Variants in GTF2IRD1 observed in about 807,000 individuals in gnomAD.
GTF2IRD1 encodes general transcription factor II-I repeat domain-containing protein 1.
A neutral mutation model predicts 113.2 loss-of-function variants in GTF2IRD1; 26 were observed. The observed-to-expected ratio is 0.23, with a 90% CI of 0.17 to 0.32. GTF2IRD1 has a LOEUF of 0.32. Ranked by LOEUF, GTF2IRD1 falls within the 10% of genes least tolerant of loss-of-function variation. GTF2IRD1 has a pLI of 1.00. For missense variants in GTF2IRD1, 864 were observed against 1,280.8 expected, an observed-to-expected ratio of 0.67 and a Z score of 4.97; for synonymous variants, 484 against 529.1, an observed-to-expected ratio of 0.91 and a Z score of 1.17.
At position 74,539,815 on chromosome 7, in the gene GTF2IRD1, G is replaced by A. The variant is rs1423814788; in HGVS notation, c.1529-64G>A. On this transcript the variant is annotated intron_variant, in intron 13 of 26. Coordinates refer to ENST00000424337, the MANE Select transcript of GTF2IRD1 (RefSeq NM_005685.4). ...GGGGAGACTGGGCTGGGTGGGCCCT[G>A]AGGGACTGTGACAGGAGTATGACAG... 2.6e-6 allele frequency: 3 copies of A among 1,150,724 alleles called. No homozygotes were observed. In the African/African-American group the frequency reaches 4.5e-5, roughly 17 times the overall value. 71.3% of individuals were successfully genotyped at this position (1,150,724 alleles called of 1,614,324 possible).
intron 8 of GTF2IRD1, 77 bp downstream of exon 8, chr7:74,524,231 T>C: frequency 1.3e-6 from 1 of 781,870 alleles, no homozygotes; most frequent in Non-Finnish European, 2.0e-6. Context: ...TCACTCGTGT[T>C]CCCCAACACG....
rs1798819423 is a variant in GTF2IRD1, at chr7:74,544,636, C to T, written c.1619-119C>T. 9.4e-6 allele frequency: 8 copies of T among 852,678 alleles called. No individual in the cohort carries two copies. The Admixed American group carries it at 1.6e-4, about 17-fold the overall frequency. The allele number at this position is 852,678 out of a possible 1,614,324, so 52.8% of individuals were successfully genotyped here. Reference sequence around the variant, plus strand: ...TCCCTGATCCCATTGGAGTGGGTGCCATGCTTCAGAGTTGGGGCCCCCTGG... The same window carrying T: ...TCCCTGATCCCATTGGAGTGGGTGCTATGCTTCAGAGTTGGGGCCCCCTGG... On this transcript the variant is annotated intron_variant, in intron 14 of 26. Transcript: ENST00000424337.
intron 1 of GTF2IRD1, among the ~76,000 whole-genome samples, chr7:74,477,451 T>C (rs1476901532): frequency 1.4e-5 from 2 of 146,634 alleles, no homozygotes; most frequent in Non-Finnish European, 3.0e-5. Flanking sequence ...GGGGTGACTA[T>C]AATGAATGCT....
At chr7:74,494,549 G>T (rs934752357) in intron 1 of GTF2IRD1, among the ~76,000 whole-genome samples, 6 of 152,138 alleles carry the variant, frequency 3.9e-5, no homozygotes, top group Admixed American at 1.3e-4. Context: ...GGTTCAAAGT[G>T]GGTCTTTATT....
At chr7:74,514,442 A>G (rs1230359233) in intron 3 of GTF2IRD1, among the ~76,000 whole-genome samples, 1 of 152,164 alleles carries the variant, frequency 6.6e-6, no homozygotes. Context: ...CCTGCCTTCT[A>G]GAGCCACGCA....
At chr7:74,557,755 G>T in intron 20 of GTF2IRD1, 33 bp downstream of exon 20, 1 of 1,355,562 alleles carries the variant, frequency 7.4e-7, no homozygotes, top group Admixed American at 1.7e-5. Flanking sequence ...GGAGGGACAC[G>T]CAGCTGCTGT....
intron 1 of GTF2IRD1, among the ~76,000 whole-genome samples, chr7:74,455,479 G>A (rs1792907337): frequency 6.6e-6 from 1 of 152,190 alleles, no homozygotes; most frequent in South Asian, 2.1e-4. Context: ...GCCCCAAGCA[G>A]CTCATTTATT....
At chr7:74,458,774 C>T (rs1266283089) in intron 1 of GTF2IRD1, among the ~76,000 whole-genome samples, 1 of 151,950 alleles carries the variant, frequency 6.6e-6, no homozygotes, top group Non-Finnish European at 1.5e-5. Context: ...CGTGCCTCAG[C>T]CTCCCGAGTA....
intron 2 of GTF2IRD1, among the ~76,000 whole-genome samples, chr7:74,509,832 G>A (rs1325210750): frequency 1.3e-5 from 2 of 151,616 alleles, no homozygotes; most frequent in Non-Finnish European, 2.9e-5. Flanking sequence ...ACCACCACAC[G>A]TGGCCAGATA....
At position 74,601,190 on chromosome 7, in the gene GTF2IRD1, C is replaced by T. The variant is rs1554373959; in HGVS notation, c.2766+10C>T. The T allele has an allele frequency of 3.8e-6, 6 of 1,570,412 alleles. No individual in the cohort carries two copies. Among genetic ancestry groups the T allele is most frequent in the Non-Finnish European group, 5.2e-6 (6 of 1,156,524 alleles). On this transcript the variant is annotated intron_variant, in intron 26 of 26. Transcript: ENST00000424337. ...CCAGATCTCACTCGTGGTAAAGTTGCACCGATTTGGACTCCGGCACTCATC... is the reference window on the plus strand; with the variant it reads ...CCAGATCTCACTCGTGGTAAAGTTGTACCGATTTGGACTCCGGCACTCATC...
chr7:74,594,486 A>G (rs1753131038), intron 24 of GTF2IRD1, among the ~76,000 whole-genome samples: 1 of 152,182 alleles, frequency 6.6e-6, no homozygotes, highest in African/African-American at 2.4e-5. Context: ...ATAGATGAGG[A>G]CAGCAGACCC....
intron 21 of GTF2IRD1, 148 bp from the exon 22 acceptor site, chr7:74,559,479 G>C (rs1799815457): frequency 1.5e-5 from 10 of 678,192 alleles, no homozygotes; most frequent in Non-Finnish European, 2.3e-5. Context: ...CGCACACACA[G>C]AGCCCCAGGG....
chr7:74,471,727 C>T (rs1794117817), intron 1 of GTF2IRD1, among the ~76,000 whole-genome samples: 1 of 147,156 alleles, frequency 6.8e-6, no homozygotes. Context: ...GGTGCGGTGG[C>T]TGACGTCTGT....
intron 1 of GTF2IRD1, among the ~76,000 whole-genome samples, chr7:74,480,300 C>A (rs1462955382): frequency 6.6e-6 from 1 of 152,104 alleles, no homozygotes; most frequent in East Asian, 1.9e-4. Context: ...GCTGTGTCCC[C>A]ACCCCTGTGA....
chr7:74,581,595 C>T (rs587605831), intron 22 of GTF2IRD1, among the ~76,000 whole-genome samples: 46 of 152,284 alleles, frequency 3.0e-4, no homozygotes, highest in African/African-American at 9.9e-4. Context: ...CACCTGAGGC[C>T]GAGGCCACCA....
intron 1 of GTF2IRD1, among the ~76,000 whole-genome samples, chr7:74,496,813 T>C (rs952768250): frequency 3.3e-5 from 5 of 152,062 alleles, no homozygotes; most frequent in African/African-American, 9.7e-5. Context: ...CACTCGACAG[T>C]GGACAATGAG....
At chr7:74,601,493 G>T in intron 26 of GTF2IRD1, 1 of 1,435,240 alleles carries the variant, frequency 7.0e-7, no homozygotes, top group South Asian at 1.5e-5. Context: ...GACATGGCTG[G>T]CGGGTGCAGT....
intron 1 of GTF2IRD1, among the ~76,000 whole-genome samples, chr7:74,476,382 T>TTTTTTTTTTTTTTGGTTGGG (rs1794409650): frequency 6.7e-6 from 1 of 149,230 alleles, no homozygotes; most frequent in African/African-American, 2.5e-5. Flanking sequence ...TTTTTTCTTT[T>TTTTTTTTTTTTTTGGTTGGG]GAGACGGAGT....
At chr7:74,490,117 C>T (rs1795253037) in intron 1 of GTF2IRD1, among the ~76,000 whole-genome samples, 1 of 152,118 alleles carries the variant, frequency 6.6e-6, no homozygotes, top group Non-Finnish European at 1.5e-5. Context: ...CAGGCACGCA[C>T]CACCACACCT....
Sources: gnomAD v4.1 joint callset for allele counts (sites outside exome capture counted in the v4.1 genomes callset) on GRCh38, gnomAD v4.1.1 for gene constraint, MANE v1.5 for transcripts, NCBI Gene and HGNC (gene_info 2026-07-23, HGNC 2026-07-21) for gene names.